RUNDC3B: variants seen among roughly 807,000 people sequenced by gnomAD.
The protein encoded by RUNDC3B is RUN domain-containing protein 3B.
In RUNDC3B, 33 loss-of-function variants were observed where a neutral mutation model predicts 58.4. That is an observed-to-expected ratio of 0.56 (90% CI 0.43 to 0.75). The LOEUF (loss-of-function observed/expected upper bound fraction) is 0.75. Ranked by LOEUF, RUNDC3B falls within the 30% of genes least tolerant of loss-of-function variation. RUNDC3B has a pLI of 0.00. For synonymous variants in RUNDC3B, 193 were observed against 195.2 expected, an observed-to-expected ratio of 0.99 and a Z score of 0.10; for missense variants, 501 against 535.7, an observed-to-expected ratio of 0.94 and a Z score of 0.64.
intron 1 of RUNDC3B, among the ~76,000 whole-genome samples, chr7:87,638,549 G>A (rs1822076913): frequency 6.6e-6 from 1 of 151,534 alleles, no homozygotes; most frequent in Admixed American, 6.6e-5. Flanking sequence ...GATTTCCTGT[G>A]TCTTCTGGTA....
rs1248732089 is a variant in RUNDC3B at position 87,831,546 on chromosome 7, T to TAAGG, written c.*1519_*1520insGAAG. The TAAGG allele has an allele frequency of 1.3e-5, 2 of 151,958 alleles. No individual in the cohort carries two copies. Among genetic ancestry groups the TAAGG allele is most frequent in the Non-Finnish European group, 2.9e-5 (2 of 67,864 alleles). 9.4% of individuals were successfully genotyped at this position (151,958 alleles called of 1,614,324 possible). On this transcript the variant is annotated 3_prime_UTR_variant, in exon 11 of 11. Transcript: ENST00000394654. ...GAACATATTCAGAGCTTTATTCCTTTAAGCTTAAGGCTTCAATACTTGTAG... is the reference window on the plus strand; with the variant it reads ...GAACATATTCAGAGCTTTATTCCTTTAAGGAAGCTTAAGGCTTCAATACTTGTAG...
Position 87,741,214 on chromosome 7 carries a change from GA to G in RUNDC3B, c.549-274del, listed in dbSNP as rs1169186836. ...AGCAAGACTCCCTCTCAAAAAAAAA[GA>G]AAAAAAAAAACAAACAAAAAAACTG... On this transcript the variant is annotated intron_variant, in intron 5 of 10. Coordinates refer to ENST00000394654, the MANE Select transcript of RUNDC3B (RefSeq NM_001134405.2). Among the ~76,000 whole-genome samples the G allele has an allele frequency of 9.0e-4, 122 of 135,868 alleles. 1 individual carries two copies. Among genetic ancestry groups the G allele is most frequent in the East Asian group, 1.9e-3 (9 of 4,638 alleles). 89.1% of individuals were successfully genotyped at this position (135,868 alleles called of 152,430 possible). A position where few individuals can be genotyped will look rare whatever the true frequency, so the allele number is the denominator to read the frequency against.
chr7:87,791,699 T>G (rs1027570040), intron 8 of RUNDC3B, among the ~76,000 whole-genome samples: 1 of 151,382 alleles, frequency 6.6e-6, no homozygotes, highest in Non-Finnish European at 1.5e-5. Flanking sequence ...TAACTACAAA[T>G]TGAAAAACAT....
At chr7:87,755,764 A>G (rs1429555388) in intron 6 of RUNDC3B, among the ~76,000 whole-genome samples, 1 of 152,202 alleles carries the variant, frequency 6.6e-6, no homozygotes, top group Non-Finnish European at 1.5e-5. Flanking sequence ...AGCCAACATT[A>G]TACTGAATGG....
At chr7:87,647,987 A>G (rs1047573437) in intron 1 of RUNDC3B, among the ~76,000 whole-genome samples, 7 of 152,104 alleles carry the variant, frequency 4.6e-5, no homozygotes, top group African/African-American at 1.7e-4. Flanking sequence ...AATCGAGACC[A>G]TCCTGGCTAA....
rs184617895 is a variant in RUNDC3B, at chr7:87,778,065, C to A, written c.956+110C>A. ...AAGAAATCTTATTGCCTGTTAAATT[C>A]TTTTTCACCTACACTTTTTTGAAAG... On this transcript the variant is annotated intron_variant, in intron 8 of 10. Transcript: ENST00000394654. 33 of 833,054 alleles carry A rather than the reference C, an allele frequency of 4.0e-5. No individual in the cohort carries two copies. In the Admixed American group the frequency reaches 8.0e-4, roughly 20 times the overall value. The allele number at this position is 833,054 out of a possible 1,614,324, so 51.6% of individuals were successfully genotyped here.
rs1438097325 is a variant in RUNDC3B, at chr7:87,752,307, G to A, written c.629+10728G>A. On this transcript the variant is annotated intron_variant, in intron 6 of 10. Transcript: ENST00000394654. ...TTTTATTGAGGATTTTTGCATCAAT[G>A]TTCATCAAGGATATTGGTCTAGAAT... Among the ~76,000 whole-genome samples the A allele has an allele frequency of 3.3e-5, 5 of 152,264 alleles. No individual in the cohort carries two copies. In the South Asian group the frequency reaches 1.0e-3, roughly 32 times the overall value.
chr7:87,758,439 C>A (rs1013939814), intron 6 of RUNDC3B, among the ~76,000 whole-genome samples: 3 of 152,142 alleles, frequency 2.0e-5, no homozygotes, highest in African/African-American at 4.8e-5. Flanking sequence ...AGTAATACCT[C>A]AAAAGTACAG....
At position 87,733,627 on chromosome 7, in the gene RUNDC3B, C is replaced by T. The variant is rs575630340; in HGVS notation, c.459-6164C>T. Among the ~76,000 whole-genome samples the T allele has an allele frequency of 2.2e-4, 34 of 152,252 alleles. No homozygotes were observed. In the South Asian group the frequency reaches 5.0e-3, roughly 22 times the overall value. The stretch of plus-strand genomic sequence containing the variant: ...TGTGGAAGACAGTGTTTCCACGGAC[C>T]GTGGTGGCAGGGAATGGTTTCAGGA... On this transcript the variant is annotated intron_variant, in intron 4 of 10. Coordinates refer to ENST00000394654, the MANE Select transcript of RUNDC3B (RefSeq NM_001134405.2).
At chr7:87,749,356 T>A (rs1316174823) in intron 6 of RUNDC3B, among the ~76,000 whole-genome samples, 8 of 152,158 alleles carry the variant, frequency 5.3e-5, no homozygotes, top group Admixed American at 4.6e-4. Flanking sequence ...TTGTCTGAAT[T>A]TTTTTAATAC....
At chr7:87,731,063 C>T (rs1253733341) in intron 4 of RUNDC3B, among the ~76,000 whole-genome samples, 1 of 151,962 alleles carries the variant, frequency 6.6e-6, no homozygotes, top group Non-Finnish European at 1.5e-5. Flanking sequence ...GACTAAGGTC[C>T]CAACACCCAA....
rs562211637 is a variant in RUNDC3B at position 87,661,235 on chromosome 7, C to T, written c.238+10298C>T. ...AGCATAAATAAGGTATCCATCACTT[C>T]AAGCATTCATTTTTTTGCATTACAA... On this transcript the variant is annotated intron_variant, in intron 2 of 10. Coordinates refer to ENST00000394654, the MANE Select transcript of RUNDC3B (RefSeq NM_001134405.2). Among the ~76,000 whole-genome samples the T allele has an allele frequency of 1.8e-4, 28 of 152,000 alleles. 1 individual carries two copies. In the South Asian group the frequency reaches 4.1e-3, roughly 22 times the overall value.
chr7:87,801,430 T>C (rs527322809), intron 8 of RUNDC3B, among the ~76,000 whole-genome samples: 4 of 152,248 alleles, frequency 2.6e-5, no homozygotes, highest in South Asian at 2.1e-4. Flanking sequence ...TTGGGACTGT[T>C]CCATTTTTTA....
intron 4 of RUNDC3B, among the ~76,000 whole-genome samples, chr7:87,732,301 G>C (rs1831629739): frequency 1.3e-5 from 2 of 151,914 alleles, no homozygotes; most frequent in Admixed American, 1.3e-4. Flanking sequence ...AATCAAAAAA[G>C]TAGAAAAACT....
intron 5 of RUNDC3B, among the ~76,000 whole-genome samples, chr7:87,740,472 G>A (rs138469194): frequency 2.6e-5 from 4 of 151,902 alleles, no homozygotes; most frequent in South Asian, 4.2e-4. Context: ...TTCTTTAATC[G>A]ATCCCAGATT....
intron 4 of RUNDC3B, among the ~76,000 whole-genome samples, chr7:87,719,654 TAGAA>T (rs1830749635): frequency 6.6e-6 from 1 of 151,728 alleles, no homozygotes; most frequent in Non-Finnish European, 1.5e-5. Context: ...AGTTATATAA[TAGAA>T]ATAAATGCAA....
intron 4 of RUNDC3B, among the ~76,000 whole-genome samples, chr7:87,732,985 A>G (rs1377058071): frequency 2.0e-5 from 3 of 152,226 alleles, no homozygotes; most frequent in Non-Finnish European, 4.4e-5. Flanking sequence ...GCTGGTTACA[A>G]ACAATCCATG....
At chr7:87,789,086 T>A (rs1194656085) in intron 8 of RUNDC3B, among the ~76,000 whole-genome samples, 1 of 152,220 alleles carries the variant, frequency 6.6e-6, no homozygotes, top group African/African-American at 2.4e-5. Flanking sequence ...GTCAGATAGA[T>A]GATCTATTGT....
Position 87,668,726 on chromosome 7 carries a change from A to G in RUNDC3B, c.238+17789A>G, listed in dbSNP as rs1173753823. On this transcript the variant is annotated intron_variant, in intron 2 of 10. Transcript: ENST00000394654. ...ACTTCTTGATTTCTGTCTTAATTTC[A>G]TTATTTACCCCAAAGCCACTCAAGA... Among the ~76,000 whole-genome samples the G allele has an allele frequency of 5.9e-5, 9 of 151,934 alleles. No individual in the cohort carries two copies. The East Asian group carries it at 1.7e-3, about 29-fold the overall frequency.
Sources: allele counts gnomAD v4.1 joint callset (sites outside exome capture counted in the v4.1 genomes callset), GRCh38; gene constraint gnomAD v4.1.1; transcripts MANE v1.5; gene names NCBI Gene and HGNC (gene_info 2026-07-23, HGNC 2026-07-21).